The following ADAR variants were observed in gnomAD, a reference collection of about 807,000 sequenced individuals.
The protein encoded by ADAR is double-stranded RNA-specific adenosine deaminase.
Under a neutral mutation model 113.2 loss-of-function variants are expected in ADAR, and 41 were observed. The observed-to-expected ratio is 0.36, with a 90% CI of 0.28 to 0.47. The LOEUF is 0.47. Ranked by LOEUF, ADAR falls within the 20% of genes least tolerant of loss-of-function variation. ADAR has a pLI of 1.00. For missense variants in ADAR, 1,242 were observed against 1,540.9 expected (o/e 0.81, Z 3.25); for synonymous variants, 605 against 572.6 (o/e 1.06, Z -0.81).
chr1:154,613,943 C>T (rs570268500), intron 1 of ADAR, among the ~76,000 whole-genome samples: 1 of 150,064 alleles, frequency 6.7e-6, no homozygotes, highest in East Asian at 2.0e-4. Context: ...GCCTCAGGTA[C>T]CCCCAGAAGA....
intron 6 of ADAR, 71 bp downstream of exon 6, chr1:154,596,734 C>A (rs1335322301): frequency 1.3e-6 from 2 of 1,574,384 alleles, no homozygotes; most frequent in South Asian, 2.2e-5. Context: ...TAAAGCACAC[C>A]CTTGTTTTCC....
chr1:154,598,263 G>A lies in ADAR; in HGVS notation c.1785+139C>T, dbSNP rs762965709. ...ATGAGAGGAGGAAAGGTGGGCTGGC[G>A]AGATAGGGTAGAGGGAAGAGTGGGA... On this transcript the variant is annotated intron_variant, in intron 3 of 14. Coordinates refer to ENST00000368474, the MANE Select transcript of ADAR (RefSeq NM_001111.5). 26 of 962,886 alleles carry A rather than the reference G, an allele frequency of 2.7e-5. No individual in the cohort carries two copies. The Middle Eastern group carries it at 9.1e-4, about 34-fold the overall frequency. The allele number at this position is 962,886 out of a possible 1,614,324, so 59.6% of individuals were successfully genotyped here. A position where few individuals can be genotyped will look rare whatever the true frequency, so the allele number is the denominator to read the frequency against.
intron 1 of ADAR, among the ~76,000 whole-genome samples, chr1:154,625,980 C>T (rs1189625477): frequency 3.5e-5 from 4 of 115,688 alleles, no homozygotes; most frequent in Non-Finnish European, 6.6e-5. Context: ...CTCCAGCCTG[C>T]GCGATGGAGT....
intron 2 of ADAR, chr1:154,600,378 C>T (rs1042073383): frequency 6.5e-6 from 1 of 153,666 alleles, no homozygotes; most frequent in Non-Finnish European, 1.4e-5. Context: ...CCAGGCTGGT[C>T]TCGAATTCCT....
chr1:154,618,966 C>T (rs1440521921), intron 1 of ADAR, among the ~76,000 whole-genome samples: 4 of 152,096 alleles, frequency 2.6e-5, no homozygotes, highest in South Asian at 4.1e-4. Flanking sequence ...AAACATTAGC[C>T]GGGCGTGGTG....
At chr1:154,617,138 C>T (rs1698654510) in intron 1 of ADAR, among the ~76,000 whole-genome samples, 1 of 152,196 alleles carries the variant, frequency 6.6e-6, no homozygotes, top group South Asian at 2.1e-4. Flanking sequence ...TCCTGTCCTG[C>T]TTGTTGCTTA....
Position 154,584,013 on chromosome 1 carries a change from C to G in ADAR, c.*793G>C, listed in dbSNP as rs1430609196. The G allele has an allele frequency of 2.0e-5, 3 of 152,246 alleles. No homozygotes were observed. In the East Asian group the frequency reaches 5.8e-4, roughly 29 times the overall value. 9.4% of individuals were successfully genotyped at this position (152,246 alleles called of 1,614,324 possible). ...ATGCCCGTGCTCCCTGGGAAGTGGT[C>G]TGTGTCATCCTGCCGGGTGAAACCT... is the stretch of plus-strand genomic sequence containing the variant. On this transcript the variant is annotated 3_prime_UTR_variant, in exon 15 of 15. Transcript: ENST00000368474.
At chr1:154,615,051 T>G (rs539307120) in intron 1 of ADAR, among the ~76,000 whole-genome samples, 1 of 152,240 alleles carries the variant, frequency 6.6e-6, no homozygotes, top group Non-Finnish European at 1.5e-5. Flanking sequence ...ACACAAGCGA[T>G]GCCAGCACCC....
At chr1:154,597,724 GGA>G in intron 4 of ADAR, 102 bp downstream of exon 4, 1 of 1,483,022 alleles carries the variant, frequency 6.7e-7, no homozygotes, top group Non-Finnish European at 9.4e-7. Flanking sequence ...TTTTGAAACA[GGA>G]GAAATTGGTC....
At chr1:154,597,666 G>A (rs1371456982) in intron 4 of ADAR, among the ~76,000 whole-genome samples, 162 bp downstream of exon 4, 1 of 152,140 alleles carries the variant, frequency 6.6e-6, no homozygotes, top group Non-Finnish European at 1.5e-5. Flanking sequence ...ATCCCTAATT[G>A]TCTGCCTCAC....
At chr1:154,589,092 A>T (rs2101581320) in intron 9 of ADAR, among the ~76,000 whole-genome samples, 1 of 152,348 alleles carries the variant, frequency 6.6e-6, no homozygotes. Flanking sequence ...CTAAAAGGTC[A>T]TTTTGTGTTT....
intron 9 of ADAR, 65 bp downstream of exon 9, chr1:154,589,304 T>C: frequency 4.7e-6 from 6 of 1,288,012 alleles, no homozygotes; most frequent in Non-Finnish European, 6.8e-6. Context: ...GTCAGAGCCA[T>C]GTGGGGCAGG....
Position 154,598,585 on chromosome 1 carries a change from T to A in ADAR, c.1602A>T (p.Arg534=), listed in dbSNP as rs910836577. The change falls in exon 3 of 15, where the codon CGA becomes CGT. Residue 534 remains arginine, a splice_region_variant and synonymous_variant. Coordinates refer to ENST00000368474, the MANE Select transcript of ADAR (RefSeq NM_001111.5). ...IEQSGPPHEP[R]FKFQVVINGR... ...CATTGATGACAACCTGGAATTTAAA[T>A]CTTGACGGAAAGTGATTAGATGTGT... 6.2e-7 allele frequency: 1 copy of A among 1,614,162 alleles called. No individual in the cohort carries two copies. Among genetic ancestry groups the A allele is most frequent in the Admixed American group, 1.7e-5 (1 of 60,034 alleles).
At chr1:154,602,719 T>C in intron 1 of ADAR, 93 bp from the exon 2 acceptor site, 6 of 1,504,590 alleles carry the variant, frequency 4.0e-6, no homozygotes, top group Non-Finnish European at 5.4e-6. Context: ...GGAACAGCCC[T>C]TGAAGGGCTG....
chr1:154,589,547 A>C, intron 8 of ADAR, 85 bp from the exon 9 acceptor site: 1 of 1,358,312 alleles, frequency 7.4e-7, no homozygotes, highest in Non-Finnish European at 1.0e-6. Flanking sequence ...TGAAAGCTTC[A>C]AGGCAGAAAC....
intron 11 of ADAR, among the ~76,000 whole-genome samples, 179 bp downstream of exon 11, chr1:154,587,946 T>C (rs1164004175): frequency 2.6e-5 from 4 of 152,156 alleles, no homozygotes; most frequent in African/African-American, 7.2e-5. Context: ...AACTAACACA[T>C]TCAAAATAGA....
At chr1:154,586,426 T>C (rs1696767793) in intron 11 of ADAR, 63 bp from the exon 12 acceptor site, 2 of 1,540,446 alleles carry the variant, frequency 1.3e-6, no homozygotes, top group East Asian at 4.6e-5. Context: ...CCTGGCGTGG[T>C]TTCTATCCTC....
At position 154,602,408 on chromosome 1, in the gene ADAR, T is replaced by C. The variant is rs1697944096; in HGVS notation, c.234A>G (p.Leu78=). 2.5e-6 allele frequency: 4 copies of C among 1,606,224 alleles called. No individual in the cohort carries two copies. Among genetic ancestry groups the C allele is most frequent in the South Asian group, 1.1e-5 (1 of 89,866 alleles). ...LPGLRPRFPV[L]LASSTRGRQV... is the part of the protein sequence containing the mutation. ...GCCTGCCTCTGGTACTGGAGGCAAG[T>C]AGTACTGGAAACCTTGGCCGGAGTC... Residue 78 remains leucine (L), a synonymous_variant, in exon 2 of 15, where the codon CTA becomes CTG. Transcript: ENST00000368474.
intron 10 of ADAR, 56 bp downstream of exon 10, chr1:154,588,495 C>T (rs1293524771): frequency 4.4e-6 from 7 of 1,607,918 alleles, no homozygotes; most frequent in South Asian, 1.1e-5. Context: ...CATTTGGATA[C>T]CCAATTCTAA....
Sources: gnomAD v4.1 joint callset for allele counts (sites outside exome capture counted in the v4.1 genomes callset) on GRCh38, gnomAD v4.1.1 for gene constraint, MANE v1.5 for transcripts, NCBI Gene and HGNC (gene_info 2026-07-23, HGNC 2026-07-21) for gene names.